Variants in AUTS2 observed in about 807,000 individuals in gnomAD.
AUTS2 encodes autism susceptibility gene 2 protein.
AUTS2 carries 17 observed loss-of-function variants against 112.4 expected under a neutral mutation model. That is an observed-to-expected ratio of 0.15 (90% CI 0.10 to 0.23). The LOEUF is 0.23. AUTS2 is among the 10% of genes least tolerant of loss of function. The probability of loss-of-function intolerance (pLI) is 1.00; values close to 1 mark genes in which losing one functional copy is unlikely to be tolerated. For synonymous variants in AUTS2, 751 were observed against 702.7 expected, an observed-to-expected ratio of 1.07 and a Z score of -1.09; for missense variants, 1,510 against 1,701.6, an observed-to-expected ratio of 0.89 and a Z score of 1.98.
chr7:70,554,225 C>T (rs374336987), intron 5 of AUTS2, among the ~76,000 whole-genome samples: 50 of 151,576 alleles, frequency 3.3e-4, no homozygotes, highest in African/African-American at 9.2e-4. Flanking sequence ...TGTACCACCA[C>T]GCCTGGCTAA....
At chr7:70,585,972 C>T (rs1212968474) in intron 5 of AUTS2, among the ~76,000 whole-genome samples, 1 of 152,038 alleles carries the variant, frequency 6.6e-6, no homozygotes, top group East Asian at 1.9e-4. Context: ...AAGCTATTCT[C>T]CTGCCTCAGC....
chr7:69,625,480 G>T (rs182377039), intron 1 of AUTS2, among the ~76,000 whole-genome samples: 1 of 152,042 alleles, frequency 6.6e-6, no homozygotes, highest in East Asian at 1.9e-4. Context: ...GTGCTGACTG[G>T]TTTCCTTTCT....
At chr7:69,685,113 C>A (rs1319834624) in intron 1 of AUTS2, among the ~76,000 whole-genome samples, 8 of 152,228 alleles carry the variant, frequency 5.3e-5, no homozygotes, top group African/African-American at 1.9e-4. Context: ...GGCCTCTGTG[C>A]TGTGAGTCCA....
intron 5 of AUTS2, among the ~76,000 whole-genome samples, chr7:70,444,893 T>C (rs1355305235): frequency 6.6e-6 from 1 of 152,180 alleles, no homozygotes; most frequent in Non-Finnish European, 1.5e-5. Context: ...CTTTTCTTTC[T>C]AGTGCTCTTA....
intron 1 of AUTS2, among the ~76,000 whole-genome samples, chr7:69,618,042 G>A (rs974886416): frequency 2.0e-5 from 3 of 152,172 alleles, no homozygotes; most frequent in African/African-American, 7.2e-5. Flanking sequence ...TGTATAATAG[G>A]TCACATTATC....
chr7:70,156,051 C>G (rs1807740838), intron 4 of AUTS2, among the ~76,000 whole-genome samples: 2 of 152,052 alleles, frequency 1.3e-5, no homozygotes, highest in Non-Finnish European at 2.9e-5. Context: ...AGTGTCTGAC[C>G]GGATTGTCTC....
At chr7:70,354,938 T>G (rs759415431) in intron 4 of AUTS2, among the ~76,000 whole-genome samples, 1 of 151,978 alleles carries the variant, frequency 6.6e-6, no homozygotes, top group African/African-American at 2.4e-5. Flanking sequence ...TGCCTTATAT[T>G]TCTATTAGAA....
intron 4 of AUTS2, among the ~76,000 whole-genome samples, chr7:70,253,781 G>C (rs529483472): frequency 6.6e-6 from 1 of 151,942 alleles, no homozygotes; most frequent in Non-Finnish European, 1.5e-5. Flanking sequence ...AATACTATTT[G>C]AGATGAGAAA....
chr7:70,650,111 C>T (rs34840618), intron 5 of AUTS2, among the ~76,000 whole-genome samples: 9,778 of 152,246 alleles, frequency 0.064, 797 homozygotes, highest in African/African-American at 0.19. Flanking sequence ...AGTTATCAGA[C>T]ACTATTTCCT....
At chr7:69,964,867 T>G (rs1343589271) in intron 2 of AUTS2, among the ~76,000 whole-genome samples, 1 of 152,000 alleles carries the variant, frequency 6.6e-6, no homozygotes, top group Non-Finnish European at 1.5e-5. Flanking sequence ...CCTGGACACC[T>G]CACTCTTTTT....
At chr7:70,556,511 G>A (rs1266524333) in intron 5 of AUTS2, among the ~76,000 whole-genome samples, 2 of 152,186 alleles carry the variant, frequency 1.3e-5, no homozygotes, top group African/African-American at 4.8e-5. Context: ...CTGTGATCAA[G>A]TCTTCGAGGC....
chr7:70,315,453 C>T (rs1040333226), intron 4 of AUTS2, among the ~76,000 whole-genome samples: 1 of 152,162 alleles, frequency 6.6e-6, no homozygotes, highest in African/African-American at 2.4e-5. Flanking sequence ...TTAGCAAATA[C>T]ATGCCATGTG....
At chr7:69,978,892 ACACACACACG>A (rs1334609065) in intron 2 of AUTS2, among the ~76,000 whole-genome samples, 53 of 149,996 alleles carry the variant, frequency 3.5e-4, no homozygotes, top group Non-Finnish European at 4.6e-4. Flanking sequence ...ACACACACAC[ACACACACACG>A]CACACACGCA....
intron 2 of AUTS2, among the ~76,000 whole-genome samples, chr7:69,906,738 A>G (rs1432436564): frequency 6.6e-6 from 1 of 152,186 alleles, no homozygotes; most frequent in Non-Finnish European, 1.5e-5. Context: ...GTAAAAGCCA[A>G]AGGTGCATTT....
intron 1 of AUTS2, among the ~76,000 whole-genome samples, chr7:69,659,583 G>T (rs373473618): frequency 2.7e-3 from 217 of 80,960 alleles, no homozygotes; most frequent in East Asian, 3.9e-3. Flanking sequence ...AGGCTTAGTT[G>T]TTTTTTTTTT....
chr7:70,405,576 A>G (rs1038463098), intron 4 of AUTS2, among the ~76,000 whole-genome samples: 4 of 152,254 alleles, frequency 2.6e-5, no homozygotes. Flanking sequence ...ATTTTGTGGC[A>G]TGATATTAAA....
Position 69,614,368 on chromosome 7 carries a change from T to TTTCTTTCTTTCTTTCTTTCTTTC in AUTS2, c.309+14408_309+14409insCTTTCTTTCTTTCTTTCTTTCTT. 1.5e-4 allele frequency among the ~76,000 whole-genome samples: 3 copies of TTTCTTTCTTTCTTTCTTTCTTTC among 19,536 alleles called. 1 individual carries two copies. The highest frequency in any genetic ancestry group is 5.7e-4 in the African/African-American group (3 of 5,256). 12.8% of individuals were successfully genotyped at this position (19,536 alleles called of 152,430 possible). A position where few individuals can be genotyped will look rare whatever the true frequency, so the allele number is the denominator to read the frequency against. ...TCTTTCTTTCTTTCTTTCTTTCTTT[T>TTTCTTTCTTTCTTTCTTTCTTTC]TTTAAGAGATGGGATCTCACTCTGT... On this transcript the variant is annotated intron_variant, in intron 1 of 18. Coordinates refer to ENST00000342771, the MANE Select transcript of AUTS2 (RefSeq NM_015570.4).
At chr7:70,394,126 G>A (rs1342635741) in intron 4 of AUTS2, among the ~76,000 whole-genome samples, 1 of 140,772 alleles carries the variant, frequency 7.1e-6, no homozygotes, top group Admixed American at 6.9e-5. Context: ...AGTCATAGAT[G>A]CATGTGTTAT....
chr7:69,845,468 A>ATGTCTGCCCT (rs1792156136), intron 1 of AUTS2, among the ~76,000 whole-genome samples: 3 of 152,174 alleles, frequency 2.0e-5, no homozygotes, highest in Admixed American at 2.0e-4. Context: ...TAAGAAGGGC[A>ATGTCTGCCCT]ATGGTTATTG....
Sources: allele counts gnomAD v4.1 joint callset (sites outside exome capture counted in the v4.1 genomes callset), GRCh38; gene constraint gnomAD v4.1.1; transcripts MANE v1.5; gene names NCBI Gene and HGNC (gene_info 2026-07-23, HGNC 2026-07-21).